Variants in FGF12 observed in about 807,000 individuals in gnomAD.
FGF12 encodes fibroblast growth factor 12B.
FGF12 carries 14 observed loss-of-function variants against 23.6 expected under a neutral mutation model. The ratio of observed to expected loss-of-function variants is 0.59; its 90% CI spans 0.39 to 0.93. The LOEUF (loss-of-function observed/expected upper bound fraction) is 0.93. Ranked by LOEUF, FGF12 falls within the 40% of genes least tolerant of loss-of-function variation. The pLI is 0.00. For missense variants in FGF12, 175 were observed against 217.8 expected (o/e 0.80, Z 1.24); for synonymous variants, 62 against 77.3 (o/e 0.80, Z 1.04).
At chr3:192,669,371 A>AGGT (rs1717018957) in intron 2 of FGF12, among the ~76,000 whole-genome samples, 1 of 151,990 alleles carries the variant, frequency 6.6e-6, no homozygotes, top group Non-Finnish European at 1.5e-5. Flanking sequence ...GCGGATCATG[A>AGGT]AGTCAAGAGA....
chr3:192,242,586 A>G (rs1167278980), intron 4 of FGF12, among the ~76,000 whole-genome samples: 1 of 152,106 alleles, frequency 6.6e-6, no homozygotes, highest in African/African-American at 2.4e-5. Flanking sequence ...ATTTTAATAA[A>G]CTCTACAAAT....
At chr3:192,246,169 A>G in intron 4 of FGF12, among the ~76,000 whole-genome samples, 1 of 152,152 alleles carries the variant, frequency 6.6e-6, no homozygotes, top group Non-Finnish European at 1.5e-5. Context: ...CTCATAAACT[A>G]AATGAATTTT....
intron 2 of FGF12, among the ~76,000 whole-genome samples, chr3:192,703,852 T>A (rs574409613): frequency 1.3e-5 from 2 of 152,218 alleles, no homozygotes; most frequent in African/African-American, 4.8e-5. Flanking sequence ...CAGGATTGCA[T>A]GACTGTGCCC....
At chr3:192,390,718 G>A (rs1396875373) in intron 2 of FGF12, among the ~76,000 whole-genome samples, 4 of 152,110 alleles carry the variant, frequency 2.6e-5, no homozygotes, top group Admixed American at 6.5e-5. Flanking sequence ...AGAGTAAAAC[G>A]TTACAGAGAT....
At chr3:192,237,239 C>A (rs1258709364) in intron 4 of FGF12, among the ~76,000 whole-genome samples, 1 of 152,110 alleles carries the variant, frequency 6.6e-6, no homozygotes, top group African/African-American at 2.4e-5. Flanking sequence ...ACATAACCTG[C>A]CCCTTATTTC....
chr3:192,451,247 A>T (rs982939184), intron 2 of FGF12, among the ~76,000 whole-genome samples: 1 of 152,228 alleles, frequency 6.6e-6, no homozygotes, highest in African/African-American at 2.4e-5. Flanking sequence ...CTCAGTAGGT[A>T]TAAAGAATGA....
chr3:192,553,609 A>C (rs1711621784), intron 2 of FGF12, among the ~76,000 whole-genome samples: 2 of 152,276 alleles, frequency 1.3e-5, no homozygotes, highest in African/African-American at 4.8e-5. Context: ...TAAACCAGTT[A>C]TGAGGTTCCT....
rs556391845 is a variant in FGF12 at position 192,641,734 on chromosome 3, A to T, written c.13+85447T>A. On this transcript the variant is annotated intron_variant, in intron 2 of 5. Coordinates refer to ENST00000445105, the MANE Select transcript of FGF12 (RefSeq NM_004113.6). ...CTTTCACATTTTTATATGGTTGAAA[A>T]GAAAACGTTTTTGATTAATGAAAAT... is the stretch of plus-strand genomic sequence containing the variant. Among the ~76,000 whole-genome samples the T allele has an allele frequency of 5.9e-5, 9 of 152,306 alleles. No homozygotes were observed. The South Asian group carries it at 8.3e-4, about 14-fold the overall frequency.
intron 2 of FGF12, among the ~76,000 whole-genome samples, chr3:192,648,503 TTAGAATTTCAAATTCTCACATCAG>T (rs1174143294): frequency 1.3e-5 from 2 of 151,870 alleles, no homozygotes; most frequent in African/African-American, 2.4e-5. Flanking sequence ...TTTTAGTCTC[TTAGAATTTCAAATTCTCACATCAG>T]TAGATATTTC....
intron 4 of FGF12, among the ~76,000 whole-genome samples, chr3:192,327,395 C>T (rs1321555514): frequency 7.0e-6 from 1 of 143,448 alleles, no homozygotes; most frequent in Non-Finnish European, 1.5e-5. Context: ...ATAATTGGTA[C>T]AGGTTAAGGC....
At chr3:192,288,214 T>A (rs184839173) in intron 4 of FGF12, among the ~76,000 whole-genome samples, 51 of 152,214 alleles carry the variant, frequency 3.4e-4, no homozygotes, top group Non-Finnish European at 7.1e-4. Context: ...CAAAGATGCG[T>A]CATTCACAAA....
At chr3:192,699,259 TCATTTTG>T (rs1399290172) in intron 2 of FGF12, among the ~76,000 whole-genome samples, 3 of 152,212 alleles carry the variant, frequency 2.0e-5, no homozygotes, top group Non-Finnish European at 4.4e-5. Flanking sequence ...TGCAACTCTT[TCATTTTG>T]TTATACCTTA....
intron 2 of FGF12, among the ~76,000 whole-genome samples, chr3:192,720,795 G>A (rs1221887880): frequency 6.6e-6 from 1 of 152,092 alleles, no homozygotes; most frequent in African/African-American, 2.4e-5. Context: ...AACCATCTTG[G>A]AGCTTATCGA....
intron 2 of FGF12, among the ~76,000 whole-genome samples, chr3:192,380,747 T>G (rs923944579): frequency 6.6e-6 from 1 of 152,108 alleles, no homozygotes; most frequent in Non-Finnish European, 1.5e-5. Context: ...CAGAATGGCT[T>G]TCTCTCCCTT....
chr3:192,698,553 A>T (rs973336638), intron 2 of FGF12, among the ~76,000 whole-genome samples: 13 of 151,756 alleles, frequency 8.6e-5, no homozygotes, highest in African/African-American at 3.2e-4. Context: ...GTCAGACATT[A>T]TCCTGAGGAC....
At chr3:192,679,925 C>A (rs936181764) in intron 2 of FGF12, among the ~76,000 whole-genome samples, 2 of 152,164 alleles carry the variant, frequency 1.3e-5, no homozygotes, top group African/African-American at 4.8e-5. Context: ...GCATAAAATC[C>A]TCTCTTCTAC....
chr3:192,496,148 G>GA (rs1461875375), intron 2 of FGF12, among the ~76,000 whole-genome samples: 1 of 152,138 alleles, frequency 6.6e-6, no homozygotes, highest in African/African-American at 2.4e-5. Context: ...TCAAAACCAA[G>GA]AAAAGCCGAA....
intron 2 of FGF12, among the ~76,000 whole-genome samples, chr3:192,425,171 T>A (rs1721654887): frequency 6.6e-6 from 1 of 152,148 alleles, no homozygotes; most frequent in Admixed American, 6.6e-5. Flanking sequence ...GCTTATCACA[T>A]GGGAGACATA....
intron 4 of FGF12, among the ~76,000 whole-genome samples, chr3:192,248,712 C>A (rs1053336496): frequency 4.6e-5 from 7 of 152,078 alleles, no homozygotes; most frequent in Non-Finnish European, 1.0e-4. Flanking sequence ...CCGGGGGGAT[C>A]CAGGCAGCAG....
Sources: gnomAD v4.1 joint callset for allele counts (sites outside exome capture counted in the v4.1 genomes callset) on GRCh38, gnomAD v4.1.1 for gene constraint, MANE v1.5 for transcripts, NCBI Gene and HGNC (gene_info 2026-07-23, HGNC 2026-07-21) for gene names.